CD302: variants seen among roughly 807,000 people sequenced by gnomAD.
CD302 encodes CD302 molecule.
CD302 carries 23 observed loss-of-function variants against 26.5 expected under a neutral mutation model. That is an observed-to-expected ratio of 0.87 (90% confidence interval 0.62 to 1.23). CD302 has a LOEUF of 1.23. Ranked by LOEUF, CD302 falls within the 50% of genes most tolerant of loss-of-function variation. The pLI is 0.00. For synonymous variants in CD302, 90 were observed against 99.4 expected (o/e 0.91, Z 0.56); for missense variants, 290 against 275.5 (o/e 1.05, Z -0.37).
chr2:159,776,880 A>G (rs1173940358), intron 5 of CD302, among the ~76,000 whole-genome samples: 2 of 152,022 alleles, frequency 1.3e-5, no homozygotes, highest in South Asian at 4.2e-4. Context: ...TAAGTTTTGT[A>G]TTATTTAGCC....
intron 4 of CD302, among the ~76,000 whole-genome samples, chr2:159,779,216 G>C (rs1052637034): frequency 2.4e-4 from 26 of 107,618 alleles, no homozygotes; most frequent in African/African-American, 9.7e-4. Context: ...GGGCGACAGA[G>C]AGAGACTGCA....
chr2:159,782,742 C>G (rs1355583019), intron 2 of CD302, among the ~76,000 whole-genome samples: 1 of 150,168 alleles, frequency 6.7e-6, no homozygotes, highest in Non-Finnish European at 1.5e-5. Context: ...AAAAAAAAGA[C>G]ACTTCAAATA....
chr2:159,793,306 C>A (rs1037889834), intron 1 of CD302, among the ~76,000 whole-genome samples: 1 of 152,016 alleles, frequency 6.6e-6, no homozygotes, highest in Non-Finnish European at 1.5e-5. Context: ...CTATATAGAT[C>A]CTCTGCCTAA....
intron 1 of CD302, among the ~76,000 whole-genome samples, chr2:159,785,539 C>T (rs1023863473): frequency 2.0e-5 from 3 of 152,296 alleles, no homozygotes; most frequent in Non-Finnish European, 2.9e-5. Context: ...GAATTGGAGA[C>T]GCCAGACAGC....
chr2:159,781,711 T>C (rs559558444), intron 2 of CD302, among the ~76,000 whole-genome samples: 2 of 152,326 alleles, frequency 1.3e-5, no homozygotes, highest in Non-Finnish European at 2.9e-5. Context: ...TATTATTTTA[T>C]TTCAACTGCC....
At chr2:159,783,967 T>C (rs1708593162) in intron 1 of CD302, among the ~76,000 whole-genome samples, 1 of 152,190 alleles carries the variant, frequency 6.6e-6, no homozygotes, top group Admixed American at 6.5e-5. Context: ...GAAAACAAGA[T>C]TGATGTTCTT....
chr2:159,779,230 C>CAAAA (rs10710620), intron 4 of CD302, among the ~76,000 whole-genome samples: 545 of 47,790 alleles, frequency 0.011, 120 homozygotes, highest in African/African-American at 0.052. Flanking sequence ...GACTGCATCG[C>CAAAA]AAAAAAAAAA....
chr2:159,780,795 T>C (rs1708482025), intron 3 of CD302, 87 bp downstream of exon 3: 1 of 1,259,066 alleles, frequency 7.9e-7, no homozygotes, highest in Non-Finnish European at 1.1e-6. Context: ...AATCATCAAC[T>C]TGAACCAGAG....
intron 1 of CD302, among the ~76,000 whole-genome samples, chr2:159,792,311 A>T (rs1708827636): frequency 6.6e-6 from 1 of 152,132 alleles, no homozygotes; most frequent in African/African-American, 2.4e-5. Context: ...GCAAAGGTGG[A>T]TATGCAATGC....
At position 159,771,954 on chromosome 2, in the gene CD302, G is replaced by A; in HGVS notation, c.596C>T (p.Ser199Phe). ...GGTTGAAAAAACTGTGGTGAAACGA[G>A]AATCAGAATGTTTTTTGTACAGGAA... Reference protein sequence around the residue: ...IWFLYKKHSDSRFTTVFSTAP... With the variant: ...IWFLYKKHSDFRFTTVFSTAP... The change falls in exon 6 of 6, where the codon TCT becomes TTT. Residue 199 changes from serine (S) to phenylalanine (F), a missense_variant. Ser to Phe is a radical substitution (Grantham distance 155). Transcript: ENST00000259053. 3 of 1,613,966 alleles carry A rather than the reference G, an allele frequency of 1.9e-6. No homozygotes were observed.
intron 1 of CD302, 94 bp from the exon 2 acceptor site, chr2:159,783,563 A>G: frequency 1.1e-6 from 1 of 911,892 alleles, no homozygotes; most frequent in Non-Finnish European, 1.6e-6. Flanking sequence ...AAATTTTCAC[A>G]CACACACAAA....
At chr2:159,779,551 AAG>A (rs1380933368) in intron 4 of CD302, among the ~76,000 whole-genome samples, 1 of 152,120 alleles carries the variant, frequency 6.6e-6, no homozygotes, top group African/African-American at 2.4e-5. Flanking sequence ...TCCTAAATGT[AAG>A]AGAATTACAA....
chr2:159,772,019 A>G lies in CD302; in HGVS notation c.531T>C (p.Ala177=). The change falls in exon 6 of 6, where the codon GCT becomes GCC. Residue 177 remains alanine, a synonymous_variant. Transcript: ENST00000259053. ...CCAAAACTGTCAAAATTACCGTGCT[A>G]GCAATCACCAATGCTGATATTAAAA... ...NHILISALVI[A]STVILTVLGA... 1.2e-6 allele frequency: 2 copies of G among 1,614,046 alleles called. No homozygotes were observed.
At chr2:159,795,376 C>A (rs1275590529) in intron 1 of CD302, among the ~76,000 whole-genome samples, 2 of 152,060 alleles carry the variant, frequency 1.3e-5, no homozygotes, top group Non-Finnish European at 2.9e-5. Flanking sequence ...AAATAACTCA[C>A]CTAAATTTTT....
chr2:159,796,859 T>C (rs1682438784), intron 1 of CD302, among the ~76,000 whole-genome samples: 1 of 152,130 alleles, frequency 6.6e-6, no homozygotes, highest in South Asian at 2.1e-4. Flanking sequence ...TAGCCTAAAG[T>C]ACAAATGCAC....
At chr2:159,775,706 A>G (rs374386694) in intron 5 of CD302, among the ~76,000 whole-genome samples, 2 of 152,194 alleles carry the variant, frequency 1.3e-5, no homozygotes, top group Non-Finnish European at 2.9e-5. Context: ...TCGTTGTGCT[A>G]CATCACCACC....
At chr2:159,780,360 T>C (rs747239894) in intron 3 of CD302, among the ~76,000 whole-genome samples, 182 bp from the exon 4 acceptor site, 1 of 152,124 alleles carries the variant, frequency 6.6e-6, no homozygotes, top group Non-Finnish European at 1.5e-5. Context: ...AGCTATCGAT[T>C]TAAGAGGTTT....
chr2:159,789,545 C>G (rs1251983033), intron 1 of CD302, among the ~76,000 whole-genome samples: 1 of 122,850 alleles, frequency 8.1e-6, no homozygotes, highest in Non-Finnish European at 1.7e-5. Flanking sequence ...CACCCTCACA[C>G]CCCCTTAGGC....
chr2:159,792,755 C>G (rs1184931469), intron 1 of CD302, among the ~76,000 whole-genome samples: 1 of 151,910 alleles, frequency 6.6e-6, no homozygotes, highest in African/African-American at 2.4e-5. Context: ...TTTTTTTTAA[C>G]AGGGTATGTA....
Sources: allele counts gnomAD v4.1 joint callset (sites outside exome capture counted in the v4.1 genomes callset), GRCh38; gene constraint gnomAD v4.1.1; transcripts MANE v1.5; gene names NCBI Gene and HGNC (gene_info 2026-07-23, HGNC 2026-07-21).